The following ABCC6 variants were observed in gnomAD, a reference collection of about 807,000 sequenced individuals.
ABCC6 encodes ATP-binding cassette sub-family C member 6.
ABCC6 carries 126 observed loss-of-function variants against 169.5 expected under a neutral mutation model. The observed-to-expected ratio is 0.74, with a 90% CI of 0.64 to 0.86. The LOEUF is 0.86. ABCC6 is among the 40% of genes least tolerant of loss of function. ABCC6 has a pLI of 0.00. For synonymous variants in ABCC6, 752 were observed against 814.7 expected (o/e 0.92, Z 1.31); for missense variants, 1,733 against 1,927.2 (o/e 0.90, Z 1.89).
chr16:16,195,587 A>G (rs566538633), intron 10 of ABCC6, among the ~76,000 whole-genome samples: 9 of 152,148 alleles, frequency 5.9e-5, no homozygotes, highest in Admixed American at 1.3e-4. Context: ...TGCTGGGATT[A>G]CAGGCGTGAG....
chr16:16,195,962 C>A (rs1409657919), intron 10 of ABCC6, among the ~76,000 whole-genome samples: 2 of 152,132 alleles, frequency 1.3e-5, no homozygotes, highest in African/African-American at 4.8e-5. Context: ...GTAATCCCAG[C>A]ACTTTGGGAG....
At chr16:16,153,354 G>A (rs534552256) in intron 29 of ABCC6, among the ~76,000 whole-genome samples, 14 of 152,254 alleles carry the variant, frequency 9.2e-5, no homozygotes, top group African/African-American at 3.4e-4. Flanking sequence ...AAAATTATTC[G>A]GCCTTAAAAA....
At chr16:16,189,110 C>T (rs997399199) in intron 12 of ABCC6, 136 bp from the exon 13 acceptor site, 41 of 996,260 alleles carry the variant, frequency 4.1e-5, no homozygotes, top group Non-Finnish European at 6.2e-5. Flanking sequence ...CCGTAGATCC[C>T]ACTCCCAGTC....
intron 7 of ABCC6, among the ~76,000 whole-genome samples, chr16:16,204,682 C>T (rs972586706): frequency 3.3e-5 from 5 of 152,110 alleles, no homozygotes; most frequent in Non-Finnish European, 7.4e-5. Context: ...GAGGCTGGGG[C>T]GATGCAGCTG....
chr16:16,188,381 G>GAC (rs996470050), intron 13 of ABCC6, among the ~76,000 whole-genome samples: 19 of 152,194 alleles, frequency 1.2e-4, no homozygotes, highest in African/African-American at 3.6e-4. Context: ...GACAGAGTGA[G>GAC]ACTCCATCTC....
chr16:16,171,989 A>G (rs113502543), intron 21 of ABCC6, among the ~76,000 whole-genome samples: 274 of 83,214 alleles, frequency 3.3e-3, no homozygotes, highest in East Asian at 6.0e-3. Context: ...AAATAAGTGG[A>G]TGGGATGGAT....
At chr16:16,189,363 A>G (rs2047763342) in intron 12 of ABCC6, among the ~76,000 whole-genome samples, 1 of 151,326 alleles carries the variant, frequency 6.6e-6, no homozygotes, top group Non-Finnish European at 1.5e-5. Flanking sequence ...GATGACTCTA[A>G]AGTTGCAGGC....
intron 9 of ABCC6, among the ~76,000 whole-genome samples, chr16:16,199,341 T>C (rs2152279765): frequency 1.4e-5 from 2 of 138,294 alleles, no homozygotes; most frequent in Middle Eastern, 7.7e-3. Context: ...ATTCTATGGC[T>C]AAAGAAACTG....
At chr16:16,173,502 G>A in intron 20 of ABCC6, 98 bp from the exon 21 acceptor site, 1 of 1,408,962 alleles carries the variant, frequency 7.1e-7, no homozygotes, top group Non-Finnish European at 1.0e-6. Flanking sequence ...CTGAGCTCTG[G>A]GTACACTCTG....
At chr16:16,176,509 C>A (rs1456472749) in intron 19 of ABCC6, among the ~76,000 whole-genome samples, 1 of 152,242 alleles carries the variant, frequency 6.6e-6, no homozygotes, top group Non-Finnish European at 1.5e-5. Context: ...ACAGCATCAT[C>A]ACAGCAAAAG....
intron 27 of ABCC6, among the ~76,000 whole-genome samples, chr16:16,156,453 C>T (rs968579802): frequency 3.9e-5 from 6 of 152,168 alleles, no homozygotes; most frequent in African/African-American, 1.4e-4. Context: ...ACCATGTGCC[C>T]CCCTGGCCGA....
chr16:16,185,048 G>A lies in ABCC6; in HGVS notation c.1868-14C>T. 6.2e-7 allele frequency: 1 copy of A among 1,611,668 alleles called. No homozygotes were observed. Among genetic ancestry groups the A allele is most frequent in the South Asian group, 1.1e-5 (1 of 91,068 alleles). ...CCTTCCCGGCAGCTGCAGGGCACAAGAGGCCATTTACAGGAGACCCCTGAC... is the reference window on the plus strand; with the variant it reads ...CCTTCCCGGCAGCTGCAGGGCACAAAAGGCCATTTACAGGAGACCCCTGAC... On this transcript the variant is annotated splice_polypyrimidine_tract_variant and intron_variant, in intron 14 of 30. Transcript: ENST00000205557.
chr16:16,177,164 C>G (rs1336690123), intron 19 of ABCC6, among the ~76,000 whole-genome samples: 1 of 152,240 alleles, frequency 6.6e-6, no homozygotes, highest in Non-Finnish European at 1.5e-5. Context: ...GTTTGCTCAT[C>G]TGTAAAATGA....
chr16:16,154,814 G>T lies in ABCC6; in HGVS notation c.4042-20C>A, dbSNP rs1403373332. 4.4e-6 allele frequency: 7 copies of T among 1,608,340 alleles called. No homozygotes were observed. The South Asian group carries it at 7.8e-5, about 18-fold the overall frequency. Reference sequence around the variant, plus strand: ...GGGGTCCTGGCGGGGAGGGGCGGTGGGTCAGAGCCGGGTCCCACCATGCCT... The same window carrying T: ...GGGGTCCTGGCGGGGAGGGGCGGTGTGTCAGAGCCGGGTCCCACCATGCCT... On this transcript the variant is annotated intron_variant, in intron 28 of 30. Transcript: ENST00000205557.
intron 21 of ABCC6, among the ~76,000 whole-genome samples, chr16:16,172,071 G>GGGAT (rs2047108204): frequency 6.8e-6 from 1 of 147,872 alleles, no homozygotes; most frequent in Non-Finnish European, 1.5e-5. Flanking sequence ...ATGAGTGGGT[G>GGGAT]GGATGGATAA....
At position 16,190,385 on chromosome 16, in the gene ABCC6, AAGAG is replaced by A. The variant is rs745345434; in HGVS notation, c.1432-22_1432-19del. ...TGCTCCTCCTGGGATCGGAGGGAAAAAGAGAGATGAAGACAGGGACAGTTGAGAA... is the reference window on the plus strand; with the variant it reads ...TGCTCCTCCTGGGATCGGAGGGAAAAAGATGAAGACAGGGACAGTTGAGAA... On this transcript the variant is annotated intron_variant, in intron 11 of 30. Transcript: ENST00000205557. The A allele has an allele frequency of 2.4e-5, 39 of 1,613,470 alleles. No homozygotes were observed. The highest frequency in any genetic ancestry group is 3.0e-5 in the Non-Finnish European group (35 of 1,179,736).
intron 29 of ABCC6, among the ~76,000 whole-genome samples, chr16:16,151,404 T>C (rs939526304): frequency 6.6e-6 from 1 of 152,216 alleles, no homozygotes; most frequent in Admixed American, 6.5e-5. Flanking sequence ...CTATTTTCCA[T>C]AGTGACTGTA....
chr16:16,192,008 G>A (rs527604118), intron 11 of ABCC6, among the ~76,000 whole-genome samples: 2 of 152,060 alleles, frequency 1.3e-5, no homozygotes, highest in Admixed American at 6.5e-5. Flanking sequence ...GAAGTGCTGT[G>A]GGGGGAAAAA....
rs2046523019 is a variant in ABCC6, at chr16:16,155,466, CCCATT to C, written c.3883-440_3883-436del. 3 of 216,704 alleles carry C rather than the reference CCCATT, an allele frequency of 1.4e-5. No homozygotes were observed. The East Asian group carries it at 3.2e-4, about 23-fold the overall frequency. The allele number at this position is 216,704 out of a possible 1,614,324, so 13.4% of individuals were successfully genotyped here. On this transcript the variant is annotated intron_variant, in intron 27 of 30. Transcript: ENST00000205557. ...TCCCATCCCTCCATCTCTCTTCCAC[CCCATT>C]CCATTCATCCATCCATTCATCTGTC...
Sources: allele counts gnomAD v4.1 joint callset (sites outside exome capture counted in the v4.1 genomes callset), GRCh38; gene constraint gnomAD v4.1.1; transcripts MANE v1.5; gene names NCBI Gene and HGNC (gene_info 2026-07-23, HGNC 2026-07-21).